Variants in GABRG3 observed in about 807,000 individuals in gnomAD.
GABRG3 encodes gamma-aminobutyric acid type A receptor subunit gamma3.
Under a neutral mutation model 48.8 loss-of-function variants are expected in GABRG3, and 25 were observed. The ratio of observed to expected loss-of-function variants is 0.51; its 90% CI spans 0.37 to 0.72. GABRG3 has a LOEUF of 0.72. GABRG3 is among the 30% of genes least tolerant of loss of function. The probability of loss-of-function intolerance (pLI) is 0.00; values close to 1 mark genes in which losing one functional copy is unlikely to be tolerated. For missense variants in GABRG3, 394 were observed against 577.9 expected (o/e 0.68, Z 3.26); for synonymous variants, 227 against 217.6 (o/e 1.04, Z -0.38).
intron 5 of GABRG3, among the ~76,000 whole-genome samples, chr15:27,367,815 A>G (rs1317466628): frequency 6.6e-6 from 1 of 152,182 alleles, no homozygotes; most frequent in Non-Finnish European, 1.5e-5. Context: ...TAGCTGCCCC[A>G]GTTTCCCTTC....
At chr15:26,997,485 A>G (rs1895364109) in intron 2 of GABRG3, among the ~76,000 whole-genome samples, 1 of 152,174 alleles carries the variant, frequency 6.6e-6, no homozygotes, top group South Asian at 2.1e-4. Context: ...TCCAACATTT[A>G]CATTGATTTT....
In GABRG3 at chr15:26,976,928, G is replaced by C; in HGVS notation, c.54-74G>C. ...CTTTCTACCCATTTCATGGTACTTG[G>C]ATAGGACAAACTTAGGCTCTTCCTA... On this transcript the variant is annotated intron_variant, in intron 1 of 9. Transcript: ENST00000615808. This position sits in a 1 kb window ranked among gnomAD's most constrained non-coding sequence, Gnocchi z 7.8. 2.6e-6 allele frequency: 4 copies of C among 1,522,236 alleles called. No individual in the cohort carries two copies. The highest frequency in any genetic ancestry group is 3.6e-6 in the Non-Finnish European group (4 of 1,104,088). 94.3% of individuals were successfully genotyped at this position (1,522,236 alleles called of 1,614,324 possible).
At chr15:27,110,072 TTTCTA>T (rs2140369928) in intron 3 of GABRG3, among the ~76,000 whole-genome samples, 1 of 152,292 alleles carries the variant, frequency 6.6e-6, no homozygotes, top group South Asian at 2.1e-4. Flanking sequence ...TTTTAACTGT[TTTCTA>T]TTCCTTGCAT....
At chr15:27,012,130 G>T (rs1038202068) in intron 2 of GABRG3, among the ~76,000 whole-genome samples, 1 of 152,074 alleles carries the variant, frequency 6.6e-6, no homozygotes, top group African/African-American at 2.4e-5. Context: ...TTATTTTTCT[G>T]TGTGAAGATG....
intron 3 of GABRG3, among the ~76,000 whole-genome samples, chr15:27,228,101 G>A (rs555600135): frequency 1.4e-3 from 208 of 152,254 alleles, no homozygotes; most frequent in African/African-American, 4.9e-3. Flanking sequence ...AGGTTTGGGG[G>A]TATATGTGAA....
intron 5 of GABRG3, among the ~76,000 whole-genome samples, chr15:27,360,088 T>C (rs1894971925): frequency 6.6e-6 from 1 of 152,160 alleles, no homozygotes; most frequent in Non-Finnish European, 1.5e-5. Flanking sequence ...TCAGGAGTGC[T>C]GCAGGAAGAG....
rs929383104 is a variant in GABRG3 at position 27,261,723 on chromosome 15, G to A, written c.271-65086G>A. Among the ~76,000 whole-genome samples the A allele has an allele frequency of 4.0e-5, 6 of 151,806 alleles. No homozygotes were observed. The South Asian group carries it at 6.2e-4, about 16-fold the overall frequency. ...CTTCTTCATATAAACCTTCCCTGGCGTATTTCCATCTGTGGGAGCAACTTC... is the reference window on the plus strand; with the variant it reads ...CTTCTTCATATAAACCTTCCCTGGCATATTTCCATCTGTGGGAGCAACTTC... On this transcript the variant is annotated intron_variant, in intron 3 of 9. Transcript: ENST00000615808.
Position 27,189,763 on chromosome 15 carries a change from T to C in GABRG3, c.271-137046T>C, listed in dbSNP as rs193195695. On this transcript the variant is annotated intron_variant, in intron 3 of 9. Coordinates refer to ENST00000615808, the MANE Select transcript of GABRG3 (RefSeq NM_033223.5). ...CGTGGCCAGAAGTTCCAACACTATG[T>C]TGAATAGGAGTGGTGAGACAGGGCA... Among the ~76,000 whole-genome samples, 4 of 152,342 alleles carry C rather than the reference T, an allele frequency of 2.6e-5. No individual in the cohort carries two copies. The East Asian group carries it at 7.7e-4, about 29-fold the overall frequency.
At chr15:27,188,554 G>T (rs1417519376) in intron 3 of GABRG3, among the ~76,000 whole-genome samples, 1 of 151,240 alleles carries the variant, frequency 6.6e-6, no homozygotes, top group African/African-American at 2.4e-5. Context: ...CATGTCCTTT[G>T]CCCACTTTTT....
chr15:27,090,016 C>T (rs1282792360), intron 3 of GABRG3, among the ~76,000 whole-genome samples: 1 of 152,154 alleles, frequency 6.6e-6, no homozygotes, highest in Non-Finnish European at 1.5e-5. Context: ...CATCGGTGTA[C>T]AAGTTTTTGT....
intron 3 of GABRG3, among the ~76,000 whole-genome samples, chr15:27,163,969 A>G (rs1244955860): frequency 6.6e-6 from 1 of 152,186 alleles, no homozygotes; most frequent in Non-Finnish European, 1.5e-5. Context: ...GGACCAATTC[A>G]GTTACGGGGG....
chr15:27,264,936 A>C (rs2140469369), intron 3 of GABRG3, among the ~76,000 whole-genome samples: 1 of 152,194 alleles, frequency 6.6e-6, no homozygotes, highest in African/African-American at 2.4e-5. Flanking sequence ...AAAAAACAAA[A>C]ACAACCAACT....
chr15:27,276,336 C>T (rs1443217420), intron 3 of GABRG3, among the ~76,000 whole-genome samples: 1 of 152,108 alleles, frequency 6.6e-6, no homozygotes, highest in Non-Finnish European at 1.5e-5. Flanking sequence ...TTGACAGATC[C>T]CGAATATGCT....
chr15:27,526,767 C>T (rs553343921), intron 7 of GABRG3, among the ~76,000 whole-genome samples: 2 of 152,222 alleles, frequency 1.3e-5, no homozygotes, highest in East Asian at 1.9e-4. Context: ...TTGATTCATT[C>T]GATGCAAATC....
intron 5 of GABRG3, among the ~76,000 whole-genome samples, chr15:27,407,816 G>A (rs1260113902): frequency 6.6e-6 from 1 of 152,210 alleles, no homozygotes; most frequent in Non-Finnish European, 1.5e-5. Context: ...CAAGGTAGGA[G>A]GAAAGTGGAT....
chr15:27,269,719 G>C (rs1441195076), intron 3 of GABRG3, among the ~76,000 whole-genome samples: 2 of 152,148 alleles, frequency 1.3e-5, no homozygotes, highest in African/African-American at 4.8e-5. Context: ...ACATTTATGG[G>C]CTAAAACATA....
intron 3 of GABRG3, among the ~76,000 whole-genome samples, chr15:27,222,451 C>G (rs1889483379): frequency 6.6e-6 from 1 of 152,198 alleles, no homozygotes; most frequent in African/African-American, 2.4e-5. Context: ...CTGGAACTTT[C>G]TGCAAAAGAT....
intron 2 of GABRG3, among the ~76,000 whole-genome samples, chr15:27,000,923 G>A (rs1344149403): frequency 1.3e-5 from 2 of 152,078 alleles, no homozygotes; most frequent in Non-Finnish European, 2.9e-5. Context: ...TCTAGCTGTT[G>A]GGAACAGATC....
intron 3 of GABRG3, among the ~76,000 whole-genome samples, chr15:27,240,895 T>G (rs753926217): frequency 2.6e-5 from 4 of 152,230 alleles, no homozygotes; most frequent in African/African-American, 7.2e-5. Flanking sequence ...TCATTTATTT[T>G]AGACCCTGAA....
Sources: gnomAD v4.1 joint callset for allele counts (sites outside exome capture counted in the v4.1 genomes callset) on GRCh38, gnomAD v4.1.1 for gene constraint, Gnocchi (gnomAD v3.1) non-coding constraint, MANE v1.5 for transcripts, NCBI Gene and HGNC (gene_info 2026-07-23, HGNC 2026-07-21) for gene names.